The following DSCAM variants were observed in gnomAD, a reference collection of about 807,000 sequenced individuals.
DSCAM encodes DS cell adhesion molecule, also known as cell adhesion molecule DSCAM.
A neutral mutation model predicts 217.7 loss-of-function variants in DSCAM; 47 were observed. The observed-to-expected ratio is 0.22, with a 90% CI of 0.17 to 0.28. The LOEUF (loss-of-function observed/expected upper bound fraction) is 0.28, where lower values mean the gene tolerates loss of function less well. DSCAM is among the 10% of genes least tolerant of loss of function. DSCAM has a pLI of 1.00. For synonymous variants in DSCAM, 1,056 were observed against 1,015.3 expected (o/e 1.04, Z -0.76); for missense variants, 2,080 against 2,618.3 (o/e 0.79, Z 4.49).
At chr21:40,163,627 T>TG (rs1350256507) in intron 16 of DSCAM, among the ~76,000 whole-genome samples, 3 of 152,172 alleles carry the variant, frequency 2.0e-5, no homozygotes, top group African/African-American at 7.2e-5. Context: ...TATCTTTCTA[T>TG]GGGCTTATAT....
intron 3 of DSCAM, among the ~76,000 whole-genome samples, chr21:40,521,414 C>G (rs1213369154): frequency 2.6e-5 from 4 of 152,120 alleles, no homozygotes; most frequent in Admixed American, 6.6e-5. Flanking sequence ...CCTCAGCAAC[C>G]CTTGTTATCT....
chr21:40,456,331 A>T (rs1355063446), intron 3 of DSCAM, among the ~76,000 whole-genome samples: 1 of 152,010 alleles, frequency 6.6e-6, no homozygotes, highest in African/African-American at 2.4e-5. Context: ...AGTAAATTAA[A>T]ATTACACCAA....
At chr21:40,453,377 C>T (rs1035777465) in intron 3 of DSCAM, among the ~76,000 whole-genome samples, 9 of 152,198 alleles carry the variant, frequency 5.9e-5, no homozygotes, top group Non-Finnish European at 1.3e-4. Flanking sequence ...AAAGGTCACA[C>T]TGACAAGCTG....
At position 40,463,250 on chromosome 21, in the gene DSCAM, T is replaced by C. The variant is rs114439287; in HGVS notation, c.509-94005A>G. Among the ~76,000 whole-genome samples the C allele has an allele frequency of 3.8e-3, 576 of 152,160 alleles. 5 individuals are homozygous for C. Among genetic ancestry groups the C allele is most frequent in the African/African-American group, 0.013 (548 of 41,526 alleles). On this transcript the variant is annotated intron_variant, in intron 3 of 32. Coordinates refer to ENST00000400454, the MANE Select transcript of DSCAM (RefSeq NM_001389.5). ...AGGAGTTATCTGGGAATTTCTAAAA[T>C]GCACTTTAAAAATAAACCCCAAATG...
chr21:40,702,865 C>T (rs1484683537), intron 2 of DSCAM, among the ~76,000 whole-genome samples: 2 of 152,142 alleles, frequency 1.3e-5, no homozygotes, highest in Non-Finnish European at 2.9e-5. Flanking sequence ...CATTACACAA[C>T]TTCACATATA....
intron 3 of DSCAM, among the ~76,000 whole-genome samples, chr21:40,652,400 A>C (rs2090026646): frequency 6.6e-6 from 1 of 152,180 alleles, no homozygotes; most frequent in Non-Finnish European, 1.5e-5. Context: ...TGAGCTTCAA[A>C]AGCCTAATCT....
chr21:40,257,734 T>G (rs2073393602), intron 11 of DSCAM, among the ~76,000 whole-genome samples: 1 of 152,014 alleles, frequency 6.6e-6, no homozygotes, highest in African/African-American at 2.4e-5. Context: ...ACTCAGGACT[T>G]CCAAACGTTA....
chr21:40,172,335 T>C (rs2090668156), intron 15 of DSCAM, among the ~76,000 whole-genome samples: 2 of 152,244 alleles, frequency 1.3e-5, no homozygotes, highest in East Asian at 1.9e-4. Context: ...CTTCGATCTG[T>C]AAAGCAGTAA....
rs187234918 is a variant in DSCAM, at chr21:40,435,079, G to A, written c.509-65834C>T. ...CAGTGATAGACAAATGGTAGGGAGC[G>A]GACAAGATCTCTCCTTAGGCAGGAG... is the stretch of plus-strand genomic sequence containing the variant. On this transcript the variant is annotated intron_variant, in intron 3 of 32. Coordinates refer to ENST00000400454, the MANE Select transcript of DSCAM (RefSeq NM_001389.5). Among the ~76,000 whole-genome samples the A allele has an allele frequency of 1.8e-4, 27 of 152,292 alleles. No homozygotes were observed. The East Asian group carries it at 2.7e-3, about 15-fold the overall frequency.
At position 40,091,654 on chromosome 21, in the gene DSCAM, T is replaced by C. The variant is rs545294971; in HGVS notation, c.3850+2067A>G. Among the ~76,000 whole-genome samples, 3 of 152,252 alleles carry C rather than the reference T, an allele frequency of 2.0e-5. No homozygotes were observed. The South Asian group carries it at 6.2e-4, about 32-fold the overall frequency. ...CTCATGCTGCTAATAAAGGCATGCC[T>C]GAGACTGGGTAATTTATAAAGGAAA... On this transcript the variant is annotated intron_variant, in intron 21 of 32. Transcript: ENST00000400454.
At chr21:40,816,793 T>C (rs373451058) in intron 1 of DSCAM, among the ~76,000 whole-genome samples, 9 of 152,224 alleles carry the variant, frequency 5.9e-5, no homozygotes, top group South Asian at 4.1e-4. Flanking sequence ...CTTGAGACTA[T>C]ATGCCCATAT....
At chr21:40,306,091 A>G (rs1366668480) in intron 9 of DSCAM, among the ~76,000 whole-genome samples, 3 of 151,856 alleles carry the variant, frequency 2.0e-5, no homozygotes, top group African/African-American at 7.3e-5. Context: ...ATGTTCTTCC[A>G]TTTGTTTGTA....
chr21:40,020,157 C>G (rs2088236338), intron 32 of DSCAM, among the ~76,000 whole-genome samples: 1 of 152,180 alleles, frequency 6.6e-6, no homozygotes. Flanking sequence ...ATGAGTCTCA[C>G]AAGGTCTGAT....
chr21:40,232,367 G>A lies in DSCAM; in HGVS notation c.2357-43129C>T, dbSNP rs999430464. On this transcript the variant is annotated intron_variant, in intron 11 of 32. Coordinates refer to ENST00000400454, the MANE Select transcript of DSCAM (RefSeq NM_001389.5). ...ACAGATAATAAATGTATGAATCTAC[G>A]GAGCATGGGGTATGATAGACCCATA... 1.1e-3 allele frequency among the ~76,000 whole-genome samples: 174 copies of A among 152,264 alleles called. 1 individual carries two copies. The highest frequency in any genetic ancestry group is 3.8e-3 in the African/African-American group (157 of 41,554).
intron 2 of DSCAM, among the ~76,000 whole-genome samples, chr21:40,702,203 GA>G: frequency 6.6e-6 from 1 of 152,224 alleles, no homozygotes; most frequent in Admixed American, 6.5e-5. Flanking sequence ...GAGCACAGGG[GA>G]TTTTTAGGGC....
intron 1 of DSCAM, among the ~76,000 whole-genome samples, chr21:40,730,051 C>T (rs913895558): frequency 4.6e-5 from 7 of 152,194 alleles, no homozygotes; most frequent in Non-Finnish European, 1.0e-4. Flanking sequence ...TTAATAATCC[C>T]AGAACCTATG....
chr21:40,343,229 CAAT>C (rs1324345736), intron 6 of DSCAM, among the ~76,000 whole-genome samples: 6 of 152,116 alleles, frequency 3.9e-5, no homozygotes, highest in African/African-American at 7.2e-5. Context: ...TTGTAAACAA[CAAT>C]GCCTGTAATT....
chr21:40,371,435 A>G (rs931439572), intron 3 of DSCAM, among the ~76,000 whole-genome samples: 8 of 137,042 alleles, frequency 5.8e-5, no homozygotes, highest in Middle Eastern at 3.6e-3. Flanking sequence ...AAAAAAAAAA[A>G]GATGATGTAT....
chr21:40,766,483 G>A (rs1250088994), intron 1 of DSCAM, among the ~76,000 whole-genome samples: 9 of 151,676 alleles, frequency 5.9e-5, no homozygotes, highest in Non-Finnish European at 8.8e-5. Flanking sequence ...ATTGAGGCTT[G>A]GTATCATTTA....
Sources: gnomAD v4.1 joint callset for allele counts (sites outside exome capture counted in the v4.1 genomes callset) on GRCh38, gnomAD v4.1.1 for gene constraint, MANE v1.5 for transcripts, NCBI Gene and HGNC (gene_info 2026-07-23, HGNC 2026-07-21) for gene names.